Variants in FAM135A observed in about 807,000 individuals in gnomAD.
FAM135A encodes family with sequence similarity 135 member A.
A neutral mutation model predicts 146.8 loss-of-function variants in FAM135A; 79 were observed. The ratio of observed to expected loss-of-function variants is 0.54; its 90% CI spans 0.45 to 0.65. The LOEUF (loss-of-function observed/expected upper bound fraction) is 0.65, where lower values mean the gene tolerates loss of function less well. Among genes scored for constraint, FAM135A ranks in the 30% least tolerant of loss-of-function variants. The probability of loss-of-function intolerance (pLI) is 0.00; values close to 1 mark genes in which losing one functional copy is unlikely to be tolerated. For missense variants in FAM135A, 1,623 were observed against 1,758.2 expected, an observed-to-expected ratio of 0.92 and a Z score of 1.38; for synonymous variants, 562 against 603.6, an observed-to-expected ratio of 0.93 and a Z score of 1.01.
chr6:70,417,008 T>G (rs1020535069), intron 2 of FAM135A, among the ~76,000 whole-genome samples: 14 of 152,158 alleles, frequency 9.2e-5, no homozygotes, highest in African/African-American at 3.4e-4. Context: ...ATTAGCTTCT[T>G]TTTTCCTAAT....
chr6:70,552,410 G>A (rs938893609), intron 20 of FAM135A, among the ~76,000 whole-genome samples: 63 of 151,582 alleles, frequency 4.2e-4, no homozygotes, highest in Non-Finnish European at 7.1e-4. Context: ...CAGCAGGAGC[G>A]GCGGGGCGAG....
intron 3 of FAM135A, chr6:70,426,900 C>G (rs1428386657): frequency 1.3e-5 from 2 of 152,138 alleles, no homozygotes; most frequent in East Asian, 1.9e-4. Context: ...GACAAATCTG[C>G]CCTTTGTTCT....
At chr6:70,493,090 T>A (rs1786400722) in intron 11 of FAM135A, among the ~76,000 whole-genome samples, 2 of 152,080 alleles carry the variant, frequency 1.3e-5, no homozygotes, top group Admixed American at 1.3e-4. Flanking sequence ...TAGGTGGATC[T>A]CTATGAAATT....
chr6:70,525,736 T>TA lies in FAM135A; in HGVS notation c.2653dup (p.Thr885AsnfsTer2). 6.2e-7 allele frequency: 1 copy of TA among 1,613,310 alleles called. No homozygotes were observed. The highest frequency in any genetic ancestry group is 8.5e-7 in the Non-Finnish European group (1 of 1,179,612). On this transcript the variant is annotated frameshift_variant, in exon 15 of 22. Coordinates refer to ENST00000418814, the MANE Select transcript of FAM135A (RefSeq NM_001162529.3). LOFTEE classifies it high-confidence loss of function. Reference sequence around the variant, plus strand: ...CGACTGATTTGCCAAAATGTGATGATACTAAAAAGTCAAGTATCACTTTGC... The same window carrying TA: ...CGACTGATTTGCCAAAATGTGATGATAACTAAAAAGTCAAGTATCACTTTGC...
chr6:70,433,046 G>A (rs927189139), intron 4 of FAM135A, among the ~76,000 whole-genome samples: 1 of 150,308 alleles, frequency 6.7e-6, no homozygotes, highest in African/African-American at 2.4e-5. Flanking sequence ...ATGCTAGGAT[G>A]TCCGTATAAT....
Position 70,559,940 on chromosome 6 carries a change from G to T in FAM135A, c.*19G>T, listed in dbSNP as rs578080585. 7 of 1,573,812 alleles carry T rather than the reference G, an allele frequency of 4.4e-6. No homozygotes were observed. The highest frequency in any genetic ancestry group is 5.2e-6 in the Non-Finnish European group (6 of 1,147,844). ...CCAATAGTATAAAAGCATTGTTAGC[G>T]ACTGGACAATTACCTCATTCAACAA... On this transcript the variant is annotated 3_prime_UTR_variant, in exon 22 of 22. Coordinates refer to ENST00000418814, the MANE Select transcript of FAM135A (RefSeq NM_001162529.3).
At position 70,425,083 on chromosome 6, in the gene FAM135A, A is replaced by G. The variant is rs902884698; in HGVS notation, c.-133-1356A>G. Among the ~76,000 whole-genome samples the G allele has an allele frequency of 9.4e-5, 14 of 148,784 alleles. No homozygotes were observed. In the South Asian group the frequency reaches 2.7e-3, roughly 29 times the overall value. ...TAAGCATTATGCTATTCATATATAT[A>G]TTCTATATATCTAATATATATTTAT... On this transcript the variant is annotated intron_variant, in intron 2 of 21. Transcript: ENST00000418814.
chr6:70,450,713 G>GTTTTTTTTTTTTT (rs1192559967), intron 4 of FAM135A, among the ~76,000 whole-genome samples: 3 of 29,780 alleles, frequency 1.0e-4, no homozygotes, highest in Non-Finnish European at 2.9e-4. Flanking sequence ...GACCCTTTTA[G>GTTTTTTTTTTTTT]TTGTTTTTTT....
intron 5 of FAM135A, among the ~76,000 whole-genome samples, chr6:70,464,955 A>ATT (rs1419872444): frequency 1.4e-5 from 2 of 146,112 alleles, no homozygotes; most frequent in African/African-American, 2.5e-5. Flanking sequence ...AAGTGCTGGG[A>ATT]TTATAGGCAT....
chr6:70,447,320 T>C (rs1300954327), intron 4 of FAM135A, among the ~76,000 whole-genome samples: 2 of 152,230 alleles, frequency 1.3e-5, no homozygotes, highest in Non-Finnish European at 2.9e-5. Flanking sequence ...TCAGGAGCTG[T>C]GCTATTCGCT....
At chr6:70,456,145 T>G (rs530062066) in intron 5 of FAM135A, among the ~76,000 whole-genome samples, 1 of 152,344 alleles carries the variant, frequency 6.6e-6, no homozygotes, top group South Asian at 2.1e-4. Flanking sequence ...ACTAAAGTTG[T>G]CCTTGTATAA....
intron 20 of FAM135A, among the ~76,000 whole-genome samples, chr6:70,549,896 C>G (rs541632658): frequency 1.6e-4 from 25 of 152,310 alleles, no homozygotes; most frequent in Non-Finnish European, 2.5e-4. Context: ...AACCCTGCCA[C>G]TGCTTTTTCA....
At chr6:70,527,255 A>C (rs1055603447) in intron 15 of FAM135A, among the ~76,000 whole-genome samples, 5 of 152,134 alleles carry the variant, frequency 3.3e-5, no homozygotes, top group Non-Finnish European at 5.9e-5. Context: ...TAAAATATCC[A>C]GAAAAATCTG....
chr6:70,542,719 A>T (rs1004372805), intron 20 of FAM135A, among the ~76,000 whole-genome samples: 1 of 152,056 alleles, frequency 6.6e-6, no homozygotes, highest in Non-Finnish European at 1.5e-5. Flanking sequence ...ATGAATTTCA[A>T]TCCTCATTTG....
chr6:70,500,333 G>A (rs1788207827), intron 11 of FAM135A, among the ~76,000 whole-genome samples: 2 of 152,110 alleles, frequency 1.3e-5, no homozygotes, highest in Admixed American at 1.3e-4. Flanking sequence ...ACTCCATTGG[G>A]TCATTTATGT....
intron 11 of FAM135A, among the ~76,000 whole-genome samples, chr6:70,498,069 CTCTAGTAGA>C (rs1341693041): frequency 6.6e-6 from 1 of 152,170 alleles, no homozygotes; most frequent in Non-Finnish European, 1.5e-5. Context: ...CTCTTTGTAC[CTCTAGTAGA>C]ATTCGGCTGT....
Position 70,525,247 on chromosome 6 carries a change from G to T in FAM135A, c.2163G>T (p.Lys721Asn), listed in dbSNP as rs1264874745. 5.6e-6 allele frequency: 9 copies of T among 1,600,006 alleles called. No homozygotes were observed. The East Asian group carries it at 2.0e-4, about 36-fold the overall frequency. Residue 721 changes from lysine (K) to asparagine (N), a missense_variant, in exon 15 of 22, where the codon AAG becomes AAT. By Grantham distance (94) the Lys-to-Asn change is moderately conservative. Transcript: ENST00000418814. ...AAAAGGAAGCTTTGCAAGAAGCAAA[G>T]TGTCTTTCTATTGGAGAATCATTAA... Reference protein sequence around the residue: ...TFEKEALQEAKCLSIGESLTK... With the variant: ...TFEKEALQEANCLSIGESLTK...
intron 2 of FAM135A, among the ~76,000 whole-genome samples, chr6:70,417,201 A>C (rs9455094): frequency 0.2 from 30,529 of 151,890 alleles, 3,341 homozygotes; most frequent in African/African-American, 0.29. Flanking sequence ...ATGAGATCAT[A>C]CAGAATATAG....
At chr6:70,539,363 C>T (rs917590887) in intron 20 of FAM135A, among the ~76,000 whole-genome samples, 1 of 152,082 alleles carries the variant, frequency 6.6e-6, no homozygotes, top group Non-Finnish European at 1.5e-5. Flanking sequence ...CTCTTTGCAA[C>T]TACTTAACAA....
Sources: allele counts gnomAD v4.1 joint callset (sites outside exome capture counted in the v4.1 genomes callset), GRCh38; gene constraint gnomAD v4.1.1; transcripts MANE v1.5; gene names NCBI Gene and HGNC (gene_info 2026-07-23, HGNC 2026-07-21).